The following USP15 variants were observed in gnomAD, a reference collection of about 807,000 sequenced individuals.
USP15 encodes ubiquitin carboxyl-terminal hydrolase 15.
Under a neutral mutation model 127.1 loss-of-function variants are expected in USP15, and 18 were observed. The ratio of observed to expected loss-of-function variants is 0.14; its 90% CI spans 0.10 to 0.21. The LOEUF is 0.21. USP15 is among the 10% of genes least tolerant of loss of function. The pLI, the probability that USP15 is intolerant of heterozygous loss-of-function variation, is 1.00. For synonymous variants in USP15, 364 were observed against 393.7 expected, an observed-to-expected ratio of 0.92 and a Z score of 0.89; for missense variants, 805 against 1,159.9, an observed-to-expected ratio of 0.69 and a Z score of 4.44.
chr12:62,327,742 AAC>A (rs1402005022), intron 6 of USP15: 1 of 408,506 alleles, frequency 2.4e-6, no homozygotes, highest in Admixed American at 3.2e-5. Context: ...TGTAATACCC[AAC>A]ACACCATACT....
intron 1 of USP15, among the ~76,000 whole-genome samples, chr12:62,265,295 G>A (rs2063165910): frequency 6.6e-6 from 1 of 152,160 alleles, no homozygotes; most frequent in Non-Finnish European, 1.5e-5. Context: ...AAATCAGTTT[G>A]TCAGGCCATG....
intron 8 of USP15, among the ~76,000 whole-genome samples, chr12:62,364,277 A>T (rs918437013): frequency 6.6e-6 from 1 of 152,198 alleles, no homozygotes; most frequent in Non-Finnish European, 1.5e-5. Flanking sequence ...CCAAAATACA[A>T]GACTAGATCA....
At chr12:62,315,125 G>A (rs1253224717) in intron 4 of USP15, 2 of 416,680 alleles carry the variant, frequency 4.8e-6, no homozygotes, top group Admixed American at 4.8e-5. Context: ...CATTTGTGCT[G>A]TTTTGCTTTT....
At chr12:62,395,715 T>G (rs1377250380) in intron 19 of USP15, among the ~76,000 whole-genome samples, 1 of 151,960 alleles carries the variant, frequency 6.6e-6, no homozygotes, top group Non-Finnish European at 1.5e-5. Context: ...CAATTTTTTT[T>G]TATTTTTAGA....
intron 8 of USP15, among the ~76,000 whole-genome samples, chr12:62,363,426 CTGCCTTAGGGTCTGTGAACT>C (rs2066375493): frequency 6.6e-6 from 1 of 152,102 alleles, no homozygotes; most frequent in African/African-American, 2.4e-5. Flanking sequence ...AAGAGCGTGC[CTGCCTTAGGGTCTGTGAACT>C]TGCAGTTTCC....
intron 11 of USP15, among the ~76,000 whole-genome samples, chr12:62,388,117 A>ATTTTTTTTTTTTTTTTT (rs58192089): frequency 7.5e-5 from 8 of 106,588 alleles, no homozygotes; most frequent in Non-Finnish European, 9.0e-5. Context: ...AATGGTGAAG[A>ATTTTTTTTTTTTTTTTT]TTTTTTTTTT....
chr12:62,262,631 C>CA (rs2063100318), intron 1 of USP15, among the ~76,000 whole-genome samples: 1 of 151,988 alleles, frequency 6.6e-6, no homozygotes, highest in Non-Finnish European at 1.5e-5. Flanking sequence ...TGCTTTTTTA[C>CA]AAAATTAATG....
intron 6 of USP15, among the ~76,000 whole-genome samples, chr12:62,343,707 T>C (rs1210067958): frequency 6.6e-6 from 1 of 152,114 alleles, no homozygotes; most frequent in Non-Finnish European, 1.5e-5. Context: ...CTGCTTCTGC[T>C]CACTCTCTGT....
intron 1 of USP15, among the ~76,000 whole-genome samples, chr12:62,266,155 T>C (rs984571989): frequency 4.6e-5 from 7 of 152,228 alleles, no homozygotes; most frequent in African/African-American, 1.7e-4. Context: ...ATTGAGCTTT[T>C]GAATTTTAAT....
chr12:62,326,654 G>T (rs2065136601), intron 6 of USP15, among the ~76,000 whole-genome samples: 1 of 152,116 alleles, frequency 6.6e-6, no homozygotes, highest in African/African-American at 2.4e-5. Context: ...AGGTTAGGTT[G>T]CCACCAAATG....
At position 62,314,909 on chromosome 12, in the gene USP15, C is replaced by T; in HGVS notation, c.468C>T (p.Asp156=). ...TAACTCGAAGATTTAGCAAAGCTGA[C>T]ACAATAGGTAATGCAAGATCCTGTC... The part of the protein sequence containing the change: ...NVVTRRFSKA[D]TIDTIEKEIR... Residue 156 remains aspartate (D), a synonymous_variant, in exon 4 of 22, where the codon GAC becomes GAT. Coordinates refer to ENST00000280377, the MANE Select transcript of USP15 (RefSeq NM_001252078.2). 1 of 1,575,420 alleles carries T rather than the reference C, an allele frequency of 6.3e-7. No homozygotes were observed. The highest frequency in any genetic ancestry group is 1.2e-5 in the South Asian group (1 of 85,064).
chr12:62,276,438 A>G (rs1040969359), intron 1 of USP15, among the ~76,000 whole-genome samples: 4 of 152,106 alleles, frequency 2.6e-5, no homozygotes, highest in African/African-American at 9.7e-5. Context: ...CCAAAATTTG[A>G]TCAGCTTCAA....
rs1218425381 is a variant in USP15 at position 62,300,250 on chromosome 12, T to TA, written c.218-2539dup. On this transcript the variant is annotated intron_variant, in intron 2 of 21. Transcript: ENST00000280377. ...CAAAGATTTATGTAAGATTTATACTTACATTTTCTTTTACGAGTTTTATAG... is the reference window on the plus strand; with the variant it reads ...CAAAGATTTATGTAAGATTTATACTTAACATTTTCTTTTACGAGTTTTATAG... Among the ~76,000 whole-genome samples the TA allele has an allele frequency of 3.3e-4, 51 of 152,302 alleles. No homozygotes were observed. The East Asian group carries it at 9.1e-3, about 27-fold the overall frequency.
At chr12:62,274,784 A>T (rs2063440433) in intron 1 of USP15, among the ~76,000 whole-genome samples, 1 of 152,210 alleles carries the variant, frequency 6.6e-6, no homozygotes, top group Admixed American at 6.6e-5. Flanking sequence ...TTATATAAAC[A>T]TTAAACATTT....
intron 8 of USP15, among the ~76,000 whole-genome samples, chr12:62,359,433 G>T (rs1347113812): frequency 6.6e-6 from 1 of 152,070 alleles, no homozygotes; most frequent in Non-Finnish European, 1.5e-5. Context: ...TATCTTAGGA[G>T]TTTTGTAAGG....
At chr12:62,282,830 G>T (rs2063691171) in intron 1 of USP15, among the ~76,000 whole-genome samples, 2 of 152,114 alleles carry the variant, frequency 1.3e-5, no homozygotes, top group South Asian at 4.1e-4. Context: ...AACTGTAAAG[G>T]ATTTATTAAG....
intron 3 of USP15, among the ~76,000 whole-genome samples, chr12:62,307,367 G>A (rs999099120): frequency 6.6e-6 from 1 of 152,160 alleles, no homozygotes; most frequent in Non-Finnish European, 1.5e-5. Flanking sequence ...GGAATTTCTA[G>A]TATTTGTCCA....
In USP15 at chr12:62,384,331, T is replaced by G. The variant is rs777162112; in HGVS notation, c.1473+29T>G. ...AATCATGGGTTGGTTTGTTTTGTTT[T>G]TTTTTTTTTTTTTTTGCATTTGTTA... On this transcript the variant is annotated intron_variant, in intron 11 of 21. Transcript: ENST00000280377. 5.1e-5 allele frequency: 38 copies of G among 741,342 alleles called. 1 individual carries two copies. The highest frequency in any genetic ancestry group is 4.6e-4 in the African/African-American group (11 of 23,786). The allele number at this position is 741,342 out of a possible 1,614,324, so 45.9% of individuals were successfully genotyped here. A position where few individuals can be genotyped will look rare whatever the true frequency, so the allele number is the denominator to read the frequency against.
In USP15 at chr12:62,414,794, C is replaced by T. The variant is rs146232182; in HGVS notation, c.*10419C>T. On this transcript the variant is annotated 3_prime_UTR_variant, in exon 22 of 22. Transcript: ENST00000280377. Reference sequence around the variant, plus strand: ...CCTACTTCAGTCCATTATCCTGCTACCAGAATGATCTTCATGGTTTCATTT... The same window carrying T: ...CCTACTTCAGTCCATTATCCTGCTATCAGAATGATCTTCATGGTTTCATTT... The T allele has an allele frequency of 6.6e-6, 1 of 151,196 alleles. No homozygotes were observed. Among genetic ancestry groups the T allele is most frequent in the African/African-American group, 2.4e-5 (1 of 41,090 alleles). 9.4% of individuals were successfully genotyped at this position (151,196 alleles called of 1,614,324 possible).
Sources: allele counts gnomAD v4.1 joint callset (sites outside exome capture counted in the v4.1 genomes callset), GRCh38; gene constraint gnomAD v4.1.1; transcripts MANE v1.5; gene names NCBI Gene and HGNC (gene_info 2026-07-23, HGNC 2026-07-21).